Variants in DNAH17 observed in about 807,000 individuals in gnomAD.
DNAH17 encodes the protein dynein axonemal heavy chain 17.
In DNAH17, 376 loss-of-function variants were observed where a neutral mutation model predicts 485.6. The observed-to-expected ratio is 0.77, with a 90% CI of 0.71 to 0.84. DNAH17 has a LOEUF of 0.84. DNAH17 is among the 40% of genes least tolerant of loss of function. The pLI is 0.00. For synonymous variants in DNAH17, 3,031 were observed against 2,405.9 expected (o/e 1.26, Z -7.60); for missense variants, 6,370 against 5,839.3 (o/e 1.09, Z -2.96).
chr17:78,547,132 CTT>C (rs756977061), intron 16 of DNAH17, among the ~76,000 whole-genome samples: 5 of 152,270 alleles, frequency 3.3e-5, no homozygotes, highest in African/African-American at 7.2e-5. Context: ...ATACTTACCT[CTT>C]TATATTTAAT....
intron 56 of DNAH17, among the ~76,000 whole-genome samples, chr17:78,464,623 G>C (rs530713947): frequency 2.6e-4 from 40 of 152,362 alleles, no homozygotes; most frequent in African/African-American, 9.1e-4. Flanking sequence ...TTTCCTCTGA[G>C]GTGCACAAGG....
At chr17:78,464,994 G>A (rs1046240268) in intron 56 of DNAH17, among the ~76,000 whole-genome samples, 6 of 152,322 alleles carry the variant, frequency 3.9e-5, no homozygotes, top group East Asian at 1.9e-4. Context: ...ATGCTGAGCC[G>A]AGGCTGGACT....
chr17:78,569,622 C>A, intron 7 of DNAH17, 95 bp from the exon 8 acceptor site: 2 of 1,402,554 alleles, frequency 1.4e-6, no homozygotes, highest in Non-Finnish European at 1.9e-6. Flanking sequence ...TCTGTTCTGA[C>A]ATATGGATAT....
chr17:78,452,517 C>T (rs1403827670), intron 65 of DNAH17, among the ~76,000 whole-genome samples: 1 of 152,180 alleles, frequency 6.6e-6, no homozygotes, highest in East Asian at 1.9e-4. Flanking sequence ...GCAGGTGGAT[C>T]ACCTGAGGTC....
chr17:78,425,085 G>A (rs1042423841), intron 80 of DNAH17: 2 of 394,954 alleles, frequency 5.1e-6, no homozygotes, highest in Non-Finnish European at 9.2e-6. Context: ...CACAAGCTCT[G>A]CTGTTTTCAT....
At chr17:78,532,165 C>T (rs769410003) in intron 20 of DNAH17, among the ~76,000 whole-genome samples, 2 of 152,184 alleles carry the variant, frequency 1.3e-5, no homozygotes, top group African/African-American at 2.4e-5. Context: ...AACCCTAAGC[C>T]TGTGACCTCT....
chr17:78,503,589 C>G (rs1054576471), intron 31 of DNAH17, among the ~76,000 whole-genome samples: 1 of 151,986 alleles, frequency 6.6e-6, no homozygotes. Flanking sequence ...TGGGCTCAAG[C>G]GATGCTTCCA....
At chr17:78,558,956 GT>G (rs1455548985) in intron 13 of DNAH17, among the ~76,000 whole-genome samples, 1 of 152,218 alleles carries the variant, frequency 6.6e-6, no homozygotes, top group Non-Finnish European at 1.5e-5. Flanking sequence ...TGGGCACACA[GT>G]GTCCTCCTGG....
chr17:78,570,883 AAAG>A lies in DNAH17; in HGVS notation c.918+62_918+64del, dbSNP rs1230321642. The stretch of plus-strand genomic sequence containing the variant: ...AAAAAAAAAAAAAAAAAAAAAGAAA[AAAG>A]AAAAGAAAAGAAAAGAAACAAGACC... On this transcript the variant is annotated intron_variant, in intron 6 of 80. Transcript: ENST00000389840. 3.7e-5 allele frequency: 26 copies of A among 702,120 alleles called. 1 individual carries two copies. The East Asian group carries it at 8.1e-4, about 22-fold the overall frequency. 43.5% of individuals were successfully genotyped at this position (702,120 alleles called of 1,614,324 possible). A position where few individuals can be genotyped will look rare whatever the true frequency, so the allele number is the denominator to read the frequency against.
Position 78,494,721 on chromosome 17 carries a change from T to C in DNAH17, c.6142A>G (p.Met2048Val). The C allele has an allele frequency of 1.9e-6, 3 of 1,613,864 alleles. No individual in the cohort carries two copies. Among genetic ancestry groups the C allele is most frequent in the Non-Finnish European group, 2.5e-6 (3 of 1,179,880 alleles). Residue 2048 changes from methionine to valine, a missense_variant, in exon 40 of 81, where the codon ATG (methionine) becomes GTG (valine). By Grantham distance (21) the Met-to-Val change is conservative (BLOSUM62 1). Transcript: ENST00000389840. ...ATGTTGAAGTCTCTCAGCGCCCGCA[T>C]GAGCACCTGGTCCTCTGCCCGGCTG... ...DPSRAEDQVL[M>V]RALRDFNIPK... is the part of the protein sequence containing the mutation.
chr17:78,479,366 T>G (rs1360670221), intron 50 of DNAH17, 119 bp downstream of exon 50: 62 of 1,304,966 alleles, frequency 4.8e-5, no homozygotes, highest in Non-Finnish European at 6.1e-5. Context: ...AGCATCGTTT[T>G]TAAGATATTG....
intron 67 of DNAH17, 32 bp downstream of exon 67, chr17:78,450,650 C>A (rs1021393412): frequency 1.9e-6 from 3 of 1,597,508 alleles, no homozygotes; most frequent in Non-Finnish European, 1.7e-6. Flanking sequence ...CAAGCCCTGG[C>A]TGCCAGGGCA....
rs1568035174 is a variant in DNAH17, at chr17:78,426,938, G to GA, written c.12758_12759insT (p.Leu4254ProfsTer23). The GA allele has an allele frequency of 6.2e-7, 1 of 1,605,692 alleles. No homozygotes were observed. The highest frequency in any genetic ancestry group is 1.7e-5 in the Admixed American group (1 of 58,830). On this transcript the variant is annotated frameshift_variant, in exon 78 of 81. Transcript: ENST00000389840. LOFTEE classifies it high-confidence loss of function. ...GACCCATGTTTACCTTCAGCCCCAG[G>GA]TTCAGCTCCTTGAGCGAACGGCGCA...
intron 75 of DNAH17, among the ~76,000 whole-genome samples, chr17:78,432,824 C>T (rs1477557698): frequency 6.6e-6 from 1 of 150,718 alleles, no homozygotes; most frequent in Non-Finnish European, 1.5e-5. Context: ...AGGTGGAGGC[C>T]CATGAGGAAG....
chr17:78,530,795 G>A (rs1424052879), intron 20 of DNAH17, among the ~76,000 whole-genome samples: 1 of 152,208 alleles, frequency 6.6e-6, no homozygotes, highest in Non-Finnish European at 1.5e-5. Flanking sequence ...TAGGACAGAA[G>A]CTTCAAGAGG....
Position 78,464,612 on chromosome 17 carries a change from C to CA in DNAH17, c.8941-1536_8941-1535insT, listed in dbSNP as rs199986127. Among the ~76,000 whole-genome samples the CA allele has an allele frequency of 7.9e-4, 120 of 152,378 alleles. No homozygotes were observed. In the East Asian group the frequency reaches 0.022, roughly 27 times the overall value. On this transcript the variant is annotated intron_variant, in intron 56 of 80. Coordinates refer to ENST00000389840, the MANE Select transcript of DNAH17 (RefSeq NM_173628.4). ...GACTGCAAGAGAATGTCGGACCCGT[C>CA]TTTCCTCTGAGGTGCACAAGGCAAT...
At position 78,459,197 on chromosome 17, in the gene DNAH17, C is replaced by T. The variant is rs2087964418; in HGVS notation, c.9665G>A (p.Gly3222Asp). The change falls in exon 61 of 81, where the codon GGC becomes GAC. Residue 3222 changes from glycine to aspartate, a missense_variant. Physicochemically the swap from Gly to Asp is moderately conservative, Grantham distance 94. Transcript: ENST00000389840. Reference protein sequence around the residue: ...ACLKAFKPYQGNPTFDPEFIR... With the variant: ...ACLKAFKPYQDNPTFDPEFIR... ...GAACTCGGGGTCGAACGTCGGGTTG[C>T]CTTGGTAGGGCCTAGCGAGGGAACC... is the stretch of plus-strand genomic sequence containing the variant. 1 of 1,613,820 alleles carries T rather than the reference C, an allele frequency of 6.2e-7. No homozygotes were observed. The highest frequency in any genetic ancestry group is 8.5e-7 in the Non-Finnish European group (1 of 1,179,882).
chr17:78,561,797 C>T lies in DNAH17; in HGVS notation c.1753G>A (p.Val585Met), dbSNP rs150278912. The T allele has an allele frequency of 9.7e-5, 157 of 1,613,704 alleles. No individual in the cohort carries two copies. Among genetic ancestry groups the T allele is most frequent in the Middle Eastern group, 3.3e-4 (2 of 6,062 alleles). ...IPLIHKNMPPVAGQLKWSLEL... is the reference protein window; with the variant it reads ...IPLIHKNMPPMAGQLKWSLEL... Reference sequence around the variant, plus strand: ...AGGCTCCATTTGAGCTGCCCGGCCACGGGAGGCATGTTTTTGTGGATCAGG... The same window carrying T: ...AGGCTCCATTTGAGCTGCCCGGCCATGGGAGGCATGTTTTTGTGGATCAGG... Residue 585 changes from valine (V) to methionine (M), a missense_variant, in exon 12 of 81, where the codon GTG becomes ATG. By Grantham distance (21) the Val-to-Met change is conservative. Coordinates refer to ENST00000389840, the MANE Select transcript of DNAH17 (RefSeq NM_173628.4).
intron 74 of DNAH17, 46 bp downstream of exon 74, chr17:78,437,595 G>A (rs763882100): frequency 1.3e-6 from 2 of 1,498,478 alleles, no homozygotes; most frequent in Non-Finnish European, 9.0e-7. Flanking sequence ...TGGATGCCAG[G>A]CCGTGGCATG....
Sources: gnomAD v4.1 joint callset for allele counts (sites outside exome capture counted in the v4.1 genomes callset) on GRCh38, gnomAD v4.1.1 for gene constraint, MANE v1.5 for transcripts, NCBI Gene and HGNC (gene_info 2026-07-23, HGNC 2026-07-21) for gene names.